Variants in NAALADL2 observed in about 807,000 individuals in gnomAD.
NAALADL2 encodes the protein inactive N-acetylated-alpha-linked acidic dipeptidase-like protein 2.
A neutral mutation model predicts 87.2 loss-of-function variants in NAALADL2; 76 were observed. That is an observed-to-expected ratio of 0.87 (90% CI 0.72 to 1.05). NAALADL2 has a LOEUF of 1.05. Among genes scored for constraint, NAALADL2 ranks in the 50% least tolerant of loss-of-function variants. The pLI is 0.00. For synonymous variants in NAALADL2, 354 were observed against 331.0 expected, an observed-to-expected ratio of 1.07 and a Z score of -0.75; for missense variants, 1,089 against 945.8, an observed-to-expected ratio of 1.15 and a Z score of -1.99.
intron 3 of NAALADL2, chr3:175,242,365 T>G (rs1747077245): frequency 6.6e-6 from 1 of 152,200 alleles, no homozygotes; most frequent in African/African-American, 2.4e-5. Context: ...AGTATTTTGT[T>G]TACAAATAAC....
chr3:174,930,345 C>T (rs143949871), intron 1 of NAALADL2, among the ~76,000 whole-genome samples: 33 of 151,804 alleles, frequency 2.2e-4, no homozygotes, highest in South Asian at 1.0e-3. Context: ...GCTTTACTTG[C>T]GCTACATGTA....
At chr3:175,727,607 T>C (rs111496071) in intron 11 of NAALADL2, among the ~76,000 whole-genome samples, 49 of 152,322 alleles carry the variant, frequency 3.2e-4, no homozygotes, top group African/African-American at 9.6e-4. Flanking sequence ...GTAGTCTTCA[T>C]TTGAGACTAC....
At chr3:175,495,383 A>G (rs1728670266) in intron 9 of NAALADL2, among the ~76,000 whole-genome samples, 1 of 152,112 alleles carries the variant, frequency 6.6e-6, no homozygotes, top group Non-Finnish European at 1.5e-5. Flanking sequence ...TCATTGTACT[A>G]TGTCCAATTC....
At chr3:175,111,117 T>C (rs757621750) in intron 2 of NAALADL2, among the ~76,000 whole-genome samples, 3 of 151,720 alleles carry the variant, frequency 2.0e-5, no homozygotes, top group Non-Finnish European at 2.9e-5. Flanking sequence ...TATTCAAATC[T>C]GAGAGGTCAC....
intron 5 of NAALADL2, among the ~76,000 whole-genome samples, chr3:175,443,595 A>C (rs1720187649): frequency 6.6e-6 from 1 of 152,172 alleles, no homozygotes; most frequent in Non-Finnish European, 1.5e-5. Flanking sequence ...TTTATTCTTC[A>C]ATTGTACACC....
At position 174,600,270 on chromosome 3, in the gene NAALADL2, C is replaced by T. The variant is rs182520620; in HGVS notation, c.-115+49633C>T. ...GCTCAGAGCTTTTCAACCTTTAGCA[C>T]GGGGATTAAGTACATTGTTGGTAGT... On this transcript the variant is annotated intron_variant, in intron 2 of 3. Transcript: ENST00000434257. 3.2e-4 allele frequency among the ~76,000 whole-genome samples: 49 copies of T among 151,950 alleles called. No individual in the cohort carries two copies. The East Asian group carries it at 8.1e-3, about 25-fold the overall frequency.
chr3:175,721,232 A>T (rs1305115272), intron 11 of NAALADL2, among the ~76,000 whole-genome samples: 1 of 152,106 alleles, frequency 6.6e-6, no homozygotes, highest in Non-Finnish European at 1.5e-5. Context: ...AAAAGTAAAA[A>T]TAGAATATAC....
chr3:174,498,983 G>A (rs1718719819), intron 1 of NAALADL2, among the ~76,000 whole-genome samples: 1 of 152,044 alleles, frequency 6.6e-6, no homozygotes, highest in Admixed American at 6.6e-5. Context: ...TTCTGAGAGA[G>A]AGAGAATACA....
At chr3:174,540,957 T>C (rs1238704854) in intron 1 of NAALADL2, among the ~76,000 whole-genome samples, 3 of 152,086 alleles carry the variant, frequency 2.0e-5, no homozygotes, top group Non-Finnish European at 2.9e-5. Context: ...CATATGGAGG[T>C]AGAAGGGGAG....
At chr3:175,369,641 G>A (rs981112816) in intron 5 of NAALADL2, 1 of 152,462 alleles carries the variant, frequency 6.6e-6, no homozygotes, top group Non-Finnish European at 1.5e-5. Flanking sequence ...GAGTGCATGT[G>A]TGTGTATGTG....
intron 2 of NAALADL2, among the ~76,000 whole-genome samples, chr3:174,556,793 T>A (rs1712886323): frequency 6.6e-6 from 1 of 152,142 alleles, no homozygotes; most frequent in Non-Finnish European, 1.5e-5. Context: ...CAGGTTGGAG[T>A]GCAGTGGCAC....
chr3:174,442,952 A>G (rs941244835), intron 1 of NAALADL2, among the ~76,000 whole-genome samples: 12 of 152,216 alleles, frequency 7.9e-5, no homozygotes, highest in African/African-American at 2.7e-4. Flanking sequence ...GAGGCCGGGC[A>G]CATTGCTGTG....
chr3:175,006,713 G>A (rs1181610727), intron 1 of NAALADL2, among the ~76,000 whole-genome samples: 1 of 151,796 alleles, frequency 6.6e-6, no homozygotes. Context: ...CCACCTCTAA[G>A]TCAGTTGAAC....
intron 1 of NAALADL2, among the ~76,000 whole-genome samples, chr3:175,014,529 T>C (rs1208399112): frequency 6.6e-6 from 1 of 152,146 alleles, no homozygotes; most frequent in Non-Finnish European, 1.5e-5. Context: ...TCATAAAATA[T>C]AGGTTGAACA....
intron 3 of NAALADL2, among the ~76,000 whole-genome samples, chr3:174,818,855 T>C (rs986715648): frequency 6.6e-6 from 1 of 151,758 alleles, no homozygotes; most frequent in Non-Finnish European, 1.5e-5. Context: ...AGGGAGGGAG[T>C]GGGGGCTTAG....
At chr3:174,598,984 C>T (rs1191189939) in intron 2 of NAALADL2, among the ~76,000 whole-genome samples, 1 of 152,168 alleles carries the variant, frequency 6.6e-6, no homozygotes, top group African/African-American at 2.4e-5. Flanking sequence ...CTCCATGTAA[C>T]ATTTTAATGG....
chr3:175,581,132 CA>C, intron 10 of NAALADL2: 1 of 394,816 alleles, frequency 2.5e-6, no homozygotes. Context: ...CTTACAGTTT[CA>C]AAAATCTCTT....
At chr3:175,326,699 T>G (rs1760750221) in intron 5 of NAALADL2, among the ~76,000 whole-genome samples, 1 of 152,178 alleles carries the variant, frequency 6.6e-6, no homozygotes, top group Non-Finnish European at 1.5e-5. Context: ...CATCCAGTGG[T>G]GGAAGGCATA....
intron 1 of NAALADL2, among the ~76,000 whole-genome samples, chr3:174,449,203 G>A (rs1441837919): frequency 6.6e-6 from 1 of 152,158 alleles, no homozygotes; most frequent in Non-Finnish European, 1.5e-5. Flanking sequence ...CTTTGTGTAT[G>A]TGCTGGATTT....
Sources: allele counts gnomAD v4.1 joint callset (sites outside exome capture counted in the v4.1 genomes callset), GRCh38; gene constraint gnomAD v4.1.1; transcripts MANE v1.5; gene names NCBI Gene and HGNC (gene_info 2026-07-23, HGNC 2026-07-21).